ANK2: variants seen among roughly 807,000 people sequenced by gnomAD.
The protein encoded by ANK2 is ankyrin 2.
A neutral mutation model predicts 360.5 loss-of-function variants in ANK2; 83 were observed. That is an observed-to-expected ratio of 0.23 (90% CI 0.19 to 0.28). The LOEUF (loss-of-function observed/expected upper bound fraction) is 0.28. ANK2 is among the 10% of genes least tolerant of loss of function. The pLI is 1.00. For synonymous variants in ANK2, 1,740 were observed against 1,759.5 expected (o/e 0.99, Z 0.28); for missense variants, 4,201 against 4,795.7 (o/e 0.88, Z 3.66).
upstream of ANK2, among the ~76,000 whole-genome samples, chr4:112,817,801 C>T (rs2055808382): frequency 6.6e-6 from 1 of 152,118 alleles, no homozygotes; most frequent in African/African-American, 2.4e-5. Context: ...CTGAACTAGG[C>T]GTGGAACTCC....
intron 2 of ANK2, among the ~76,000 whole-genome samples, chr4:113,032,978 C>T (rs1443193194): frequency 6.6e-6 from 1 of 152,054 alleles, no homozygotes. Context: ...CATAAAATAG[C>T]TTCCAGTATC....
chr4:112,717,228 G>A, the ANK2 span, among the ~76,000 whole-genome samples: 33 of 152,208 alleles, frequency 2.2e-4, no homozygotes, highest in Non-Finnish European at 4.4e-4. Flanking sequence ...CATAATAAAT[G>A]TAGAAGCTGC....
intron 45 of ANK2, among the ~76,000 whole-genome samples, chr4:113,378,936 C>T (rs1374220059): frequency 2.0e-5 from 3 of 151,830 alleles, no homozygotes; most frequent in African/African-American, 7.3e-5. Context: ...TGAAAAGACA[C>T]AATGGAAATC....
chr4:113,007,479 G>GT (rs950233209), intron 2 of ANK2, among the ~76,000 whole-genome samples: 4 of 152,108 alleles, frequency 2.6e-5, no homozygotes, highest in East Asian at 3.9e-4. Context: ...ATCAGAGTAT[G>GT]TTTTTTTCCC....
chr4:112,862,492 G>A (rs2068452949), intron 1 of ANK2, among the ~76,000 whole-genome samples: 1 of 152,062 alleles, frequency 6.6e-6, no homozygotes, highest in African/African-American at 2.4e-5. Flanking sequence ...GTTAACAAGG[G>A]CAGCTGTATA....
intron 2 of ANK2, among the ~76,000 whole-genome samples, chr4:112,985,653 A>G (rs879866180): frequency 1.3e-5 from 2 of 152,184 alleles, no homozygotes; most frequent in Non-Finnish European, 2.9e-5. Flanking sequence ...GACAATGTCC[A>G]TATTTTAATT....
intron 2 of ANK2, among the ~76,000 whole-genome samples, chr4:112,991,561 C>G (rs1435325451): frequency 6.6e-6 from 1 of 151,170 alleles, no homozygotes; most frequent in Non-Finnish European, 1.5e-5. Flanking sequence ...GCTGTTCAGC[C>G]ACACCCCTCG....
chr4:112,826,676 G>T, intron 1 of ANK2: 1 of 926,348 alleles, frequency 1.1e-6, no homozygotes, highest in South Asian at 1.6e-5. Context: ...CCTCAGCATT[G>T]ACCATTCAGA....
rs1488905862 is a variant in ANK2 at position 113,233,104 on chromosome 4, CTGTTTTTTTTTTTTT to C, written c.483+847_483+861del. 5.1e-3 allele frequency among the ~76,000 whole-genome samples: 150 copies of C among 29,304 alleles called. 40 individuals carry two copies. The highest frequency in any genetic ancestry group is 0.015 in the African/African-American group (107 of 7,114). 19.2% of individuals were successfully genotyped at this position (29,304 alleles called of 152,430 possible). On this transcript the variant is annotated intron_variant, in intron 5 of 45. Coordinates refer to ENST00000357077, the MANE Select transcript of ANK2 (RefSeq NM_001148.6). ...ACCAGAGTATATGGGCTTGGCTTTT[CTGTTTTTTTTTTTTT>C]TTTTTTTTTTTTTTTTTTTTTTTTT...
At chr4:112,961,060 GTTT>G (rs61530543) in intron 2 of ANK2, among the ~76,000 whole-genome samples, 1 of 139,476 alleles carries the variant, frequency 7.2e-6, no homozygotes. Context: ...CTAAATAACT[GTTT>G]TTTTTTTTTT....
chr4:113,185,095 C>T (rs1008583858), intron 2 of ANK2, among the ~76,000 whole-genome samples: 2 of 152,078 alleles, frequency 1.3e-5, no homozygotes, highest in Non-Finnish European at 2.9e-5. Context: ...TTTCTTTATC[C>T]CGTCTATCAT....
At chr4:113,377,159 G>T (rs776468266) in intron 45 of ANK2, among the ~76,000 whole-genome samples, 1 of 151,742 alleles carries the variant, frequency 6.6e-6, no homozygotes. Context: ...TGTATTTACC[G>T]TACATAAACC....
At chr4:112,746,693 TAGAAAC>T in the ANK2 span, among the ~76,000 whole-genome samples, 2 of 152,142 alleles carry the variant, frequency 1.3e-5, no homozygotes, top group African/African-American at 4.8e-5. Context: ...ATTTGTAAAA[TAGAAAC>T]AAACAGTTAA....
chr4:113,322,177 T>G (rs2086662327), intron 26 of ANK2, among the ~76,000 whole-genome samples: 1 of 152,246 alleles, frequency 6.6e-6, no homozygotes, highest in Non-Finnish European at 1.5e-5. Context: ...GCAGTATTGG[T>G]GATTTTATTT....
At chr4:112,826,890 G>T in intron 1 of ANK2, 1 of 1,507,136 alleles carries the variant, frequency 6.6e-7, no homozygotes, top group Non-Finnish European at 9.2e-7. Context: ...TTCTATGGCA[G>T]GGGTCAACCT....
chr4:113,068,306 A>G (rs910442853), intron 1 of ANK2, among the ~76,000 whole-genome samples: 15 of 152,232 alleles, frequency 9.9e-5, no homozygotes, highest in African/African-American at 3.4e-4. Flanking sequence ...AAGTGATGAT[A>G]TAAATTATGA....
intron 10 of ANK2, among the ~76,000 whole-genome samples, chr4:113,250,911 G>A (rs1396545757): frequency 2.0e-5 from 3 of 152,120 alleles, no homozygotes; most frequent in African/African-American, 7.2e-5. Context: ...TGTGTAGAAT[G>A]AACTCAATTT....
At chr4:112,897,457 C>T (rs1299147682) in intron 1 of ANK2, among the ~76,000 whole-genome samples, 1 of 152,098 alleles carries the variant, frequency 6.6e-6, no homozygotes, top group Non-Finnish European at 1.5e-5. Context: ...TTTCTTTAAC[C>T]TCTCAGGATC....
chr4:112,739,294 G>C, the ANK2 span, among the ~76,000 whole-genome samples: 2 of 152,138 alleles, frequency 1.3e-5, no homozygotes, highest in Non-Finnish European at 2.9e-5. Context: ...ACGCCACTGC[G>C]CCCGGCTGGA....
Sources: gnomAD v4.1 joint callset for allele counts (sites outside exome capture counted in the v4.1 genomes callset) on GRCh38, gnomAD v4.1.1 for gene constraint, MANE v1.5 for transcripts, NCBI Gene and HGNC (gene_info 2026-07-23, HGNC 2026-07-21) for gene names.